LRRC4C: variants seen among roughly 807,000 people sequenced by gnomAD.
LRRC4C encodes leucine-rich repeat-containing protein 4C.
A neutral mutation model predicts 33.6 loss-of-function variants in LRRC4C; 5 were observed. The ratio of observed to expected loss-of-function variants is 0.15; its 90% CI spans 0.08 to 0.31. LRRC4C has a LOEUF of 0.31. LRRC4C is among the 10% of genes least tolerant of loss of function. The pLI is 1.00. For missense variants in LRRC4C, 560 were observed against 796.7 expected, an observed-to-expected ratio of 0.70 and a Z score of 3.58; for synonymous variants, 329 against 302.0, an observed-to-expected ratio of 1.09 and a Z score of -0.93.
intron 4 of LRRC4C, among the ~76,000 whole-genome samples, chr11:40,249,582 G>GTA (rs1400414113): frequency 1.3e-5 from 2 of 149,528 alleles, no homozygotes; most frequent in African/African-American, 4.9e-5. Flanking sequence ...AATCATATAT[G>GTA]TATATATATG....
At chr11:40,649,474 G>A (rs1243455803) in intron 2 of LRRC4C, among the ~76,000 whole-genome samples, 2 of 152,058 alleles carry the variant, frequency 1.3e-5, no homozygotes, top group Non-Finnish European at 2.9e-5. Flanking sequence ...CAGACCATAT[G>A]GTTGTCTCCC....
chr11:40,732,252 T>C (rs765746888), intron 2 of LRRC4C, among the ~76,000 whole-genome samples: 11 of 152,080 alleles, frequency 7.2e-5, no homozygotes, highest in Non-Finnish European at 1.5e-4. Context: ...AAAGAAAGAA[T>C]CTTCCAGCTA....
chr11:40,185,891 C>A (rs944953471), intron 5 of LRRC4C, among the ~76,000 whole-genome samples: 3 of 152,098 alleles, frequency 2.0e-5, no homozygotes, highest in Non-Finnish European at 2.9e-5. Flanking sequence ...CCTCCCCCTT[C>A]CCGTGGTTGC....
chr11:40,947,697 C>T (rs1347431828), intron 1 of LRRC4C, among the ~76,000 whole-genome samples: 1 of 151,984 alleles, frequency 6.6e-6, no homozygotes, highest in East Asian at 1.9e-4. Context: ...TTCTCTCTCA[C>T]TCTCCCTCAA....
At chr11:41,384,415 A>G (rs1048773559) in intron 1 of LRRC4C, among the ~76,000 whole-genome samples, 1 of 151,882 alleles carries the variant, frequency 6.6e-6, no homozygotes, top group African/African-American at 2.4e-5. Flanking sequence ...AGTAGAATAT[A>G]AAGCCATAAA....
chr11:40,753,540 CTTTT>C (rs34980126), intron 2 of LRRC4C, among the ~76,000 whole-genome samples: 1 of 129,716 alleles, frequency 7.7e-6, no homozygotes, highest in African/African-American at 2.8e-5. Flanking sequence ...CACAGAGGCA[CTTTT>C]TTTTTTTTTT....
chr11:40,755,525 T>G (rs1948907073), intron 2 of LRRC4C, among the ~76,000 whole-genome samples: 1 of 152,100 alleles, frequency 6.6e-6, no homozygotes, highest in African/African-American at 2.4e-5. Flanking sequence ...TGCTCCATTT[T>G]TTATTTCCTT....
At chr11:40,357,006 G>T (rs1947700498) in intron 3 of LRRC4C, among the ~76,000 whole-genome samples, 1 of 152,210 alleles carries the variant, frequency 6.6e-6, no homozygotes, top group East Asian at 1.9e-4. Flanking sequence ...CACCAGTCTT[G>T]CTTGAATACA....
chr11:40,126,329 G>C (rs1856222677), intron 6 of LRRC4C, among the ~76,000 whole-genome samples: 1 of 152,048 alleles, frequency 6.6e-6, no homozygotes, highest in Admixed American at 6.6e-5. Context: ...GTGACTATAT[G>C]TTACTAGTGA....
chr11:40,764,767 T>C (rs1949375305), intron 2 of LRRC4C, among the ~76,000 whole-genome samples: 1 of 152,064 alleles, frequency 6.6e-6, no homozygotes, highest in African/African-American at 2.4e-5. Context: ...GGGGAACATA[T>C]GGGAAGAGAA....
intron 2 of LRRC4C, among the ~76,000 whole-genome samples, chr11:40,735,881 G>GT (rs528290789): frequency 1.8e-4 from 27 of 151,226 alleles, no homozygotes; most frequent in African/African-American, 5.6e-4. Flanking sequence ...TCTCATTGTG[G>GT]TTTTGATTTG....
intron 3 of LRRC4C, among the ~76,000 whole-genome samples, chr11:40,433,090 C>T (rs1285551006): frequency 6.6e-6 from 1 of 152,140 alleles, no homozygotes; most frequent in Non-Finnish European, 1.5e-5. Flanking sequence ...CACTTACACA[C>T]AGCAGACACA....
intron 1 of LRRC4C, among the ~76,000 whole-genome samples, chr11:41,225,760 C>T (rs1204526791): frequency 1.3e-5 from 2 of 151,818 alleles, no homozygotes; most frequent in Non-Finnish European, 2.9e-5. Flanking sequence ...ACAGATGGTC[C>T]CCAACAAATT....
intron 1 of LRRC4C, among the ~76,000 whole-genome samples, chr11:40,978,561 C>T (rs1022502851): frequency 6.6e-6 from 1 of 151,820 alleles, no homozygotes; most frequent in African/African-American, 2.4e-5. Flanking sequence ...TCCCAAACAT[C>T]AATAGAGTTA....
chr11:40,765,618 AC>A (rs1276509495), intron 2 of LRRC4C, among the ~76,000 whole-genome samples: 1 of 152,102 alleles, frequency 6.6e-6, no homozygotes, highest in African/African-American at 2.4e-5. Flanking sequence ...GATAAATTTA[AC>A]AAAGTGATTA....
chr11:41,413,828 T>A (rs1954580123), intron 1 of LRRC4C, among the ~76,000 whole-genome samples: 1 of 152,180 alleles, frequency 6.6e-6, no homozygotes, highest in Non-Finnish European at 1.5e-5. Context: ...CAAACAATGT[T>A]TTTTGACAAC....
intron 3 of LRRC4C, among the ~76,000 whole-genome samples, chr11:40,568,151 A>T (rs1409450674): frequency 6.6e-6 from 1 of 152,172 alleles, no homozygotes; most frequent in Non-Finnish European, 1.5e-5. Context: ...CAAAAATATT[A>T]TGCCTTCTGT....
At chr11:40,241,250 T>C (rs1865906692) in intron 5 of LRRC4C, among the ~76,000 whole-genome samples, 1 of 151,954 alleles carries the variant, frequency 6.6e-6, no homozygotes. Flanking sequence ...GGCATGGTAG[T>C]GCACACCCGT....
intron 2 of LRRC4C, among the ~76,000 whole-genome samples, chr11:40,737,248 C>A (rs1171950460): frequency 1.3e-5 from 2 of 152,060 alleles, no homozygotes; most frequent in African/African-American, 2.4e-5. Context: ...TTATGACAAA[C>A]CCACAGCTAG....
Sources: allele counts gnomAD v4.1 joint callset (sites outside exome capture counted in the v4.1 genomes callset), GRCh38; gene constraint gnomAD v4.1.1; transcripts MANE v1.5; gene names NCBI Gene and HGNC (gene_info 2026-07-23, HGNC 2026-07-21).